The following KIF16B variants were observed in gnomAD, a reference collection of about 807,000 sequenced individuals.
KIF16B encodes kinesin family member 16B.
KIF16B carries 98 observed loss-of-function variants against 156.3 expected under a neutral mutation model. The observed-to-expected ratio is 0.63, with a 90% CI of 0.53 to 0.74. KIF16B has a LOEUF of 0.74. Ranked by LOEUF, KIF16B falls within the 30% of genes least tolerant of loss-of-function variation. The pLI is 0.00. For synonymous variants in KIF16B, 564 were observed against 583.7 expected, an observed-to-expected ratio of 0.97 and a Z score of 0.49; for missense variants, 1,421 against 1,606.5, an observed-to-expected ratio of 0.88 and a Z score of 1.97.
chr20:16,561,328 T>C (rs12481431), intron 1 of KIF16B, among the ~76,000 whole-genome samples: 2 of 152,126 alleles, frequency 1.3e-5, no homozygotes, highest in African/African-American at 2.4e-5. Flanking sequence ...AATATCAGCA[T>C]GCATTGAGCA....
intron 1 of KIF16B, among the ~76,000 whole-genome samples, chr20:16,542,201 T>C (rs938805629): frequency 6.6e-6 from 1 of 152,136 alleles, no homozygotes; most frequent in African/African-American, 2.4e-5. Flanking sequence ...AGTGCCTCAG[T>C]ACAAAATGAG....
Position 16,290,023 on chromosome 20 carries a change from T to C in KIF16B, c.3796-16612A>G, listed in dbSNP as rs570778814. ...GATGCTCTGATTCTCAAAAGTGCCA[T>C]TTGGAAAACAAAAAAGATGTATTAT... On this transcript the variant is annotated intron_variant, in intron 25 of 25. Coordinates refer to ENST00000354981, the MANE Select transcript of KIF16B (RefSeq NM_024704.5). 2.0e-5 allele frequency among the ~76,000 whole-genome samples: 3 copies of C among 152,306 alleles called. No homozygotes were observed. In the South Asian group the frequency reaches 6.2e-4, roughly 32 times the overall value.
intron 24 of KIF16B, 38 bp from the exon 25 acceptor site, chr20:16,312,456 T>C (rs887772411): frequency 9.8e-6 from 13 of 1,331,236 alleles, no homozygotes; most frequent in Non-Finnish European, 1.3e-5. Flanking sequence ...ATTAATAGCA[T>C]ACCTGTTAAT....
At chr20:16,417,115 G>A (rs1444125000) in intron 15 of KIF16B, among the ~76,000 whole-genome samples, 4 of 152,150 alleles carry the variant, frequency 2.6e-5, no homozygotes, top group Non-Finnish European at 5.9e-5. Context: ...TTCCAGGGAA[G>A]GGAAGACCCG....
intron 12 of KIF16B, among the ~76,000 whole-genome samples, chr20:16,489,122 G>A (rs890526950): frequency 6.6e-6 from 1 of 152,206 alleles, no homozygotes; most frequent in Non-Finnish European, 1.5e-5. Context: ...GGCAGGAGGG[G>A]CAAAGGCATG....
intron 25 of KIF16B, among the ~76,000 whole-genome samples, chr20:16,304,178 T>A (rs1229337353): frequency 6.6e-6 from 1 of 152,216 alleles, no homozygotes; most frequent in Non-Finnish European, 1.5e-5. Context: ...TTAGAAGTTG[T>A]TATTATTCTT....
intron 12 of KIF16B, among the ~76,000 whole-genome samples, chr20:16,440,789 C>T (rs781662834): frequency 2.6e-5 from 4 of 152,178 alleles, no homozygotes; most frequent in Non-Finnish European, 4.4e-5. Context: ...ATTTCCACTA[C>T]ACTTCCCATT....
chr20:16,564,268 C>T (rs1424117989), intron 1 of KIF16B, among the ~76,000 whole-genome samples: 4 of 152,204 alleles, frequency 2.6e-5, no homozygotes, highest in Non-Finnish European at 4.4e-5. Context: ...AGGAACTCAA[C>T]CTTTTTTATG....
At chr20:16,310,307 G>C (rs1235213587) in intron 25 of KIF16B, among the ~76,000 whole-genome samples, 2 of 152,204 alleles carry the variant, frequency 1.3e-5, no homozygotes, top group Admixed American at 6.5e-5. Flanking sequence ...GGTTTAGAAG[G>C]GTTCAGTGAT....
At chr20:16,440,974 T>C (rs771000225) in intron 12 of KIF16B, among the ~76,000 whole-genome samples, 4 of 152,182 alleles carry the variant, frequency 2.6e-5, no homozygotes, top group Admixed American at 6.5e-5. Context: ...AGAAATTACG[T>C]GTGAAAATAT....
chr20:16,383,270 G>GA (rs1264974322), intron 17 of KIF16B, among the ~76,000 whole-genome samples: 4 of 152,114 alleles, frequency 2.6e-5, no homozygotes, highest in Non-Finnish European at 4.4e-5. Flanking sequence ...TACACACAAG[G>GA]AATCCAAAAG....
chr20:16,379,700 G>C lies in KIF16B; in HGVS notation c.2302C>G (p.Gln768Glu), dbSNP rs1430541552. Reference sequence around the variant, plus strand: ...ATCATCTCCTGCTTCTCTCGGAGCTGCTCTTCCAGATGGGCCACGAGCATG... The same window carrying C: ...ATCATCTCCTGCTTCTCTCGGAGCTCCTCTTCCAGATGGGCCACGAGCATG... ...QVMLVAHLEE[Q>E]LREKQEMIQL... The change falls in exon 19 of 26, where the codon CAG becomes GAG. Residue 768 changes from glutamine (Q) to glutamate (E), a missense_variant. Transcript: ENST00000354981. The C allele has an allele frequency of 6.2e-7, 1 of 1,614,142 alleles. No homozygotes were observed. Among genetic ancestry groups the C allele is most frequent in the South Asian group, 1.1e-5 (1 of 91,078 alleles).
intron 12 of KIF16B, among the ~76,000 whole-genome samples, chr20:16,437,351 A>T (rs2066668326): frequency 6.6e-6 from 1 of 152,244 alleles, no homozygotes; most frequent in Admixed American, 6.5e-5. Flanking sequence ...TAAACCTGGA[A>T]AAATGGTCTG....
chr20:16,286,998 C>T (rs150171032), intron 25 of KIF16B, among the ~76,000 whole-genome samples: 366 of 152,320 alleles, frequency 2.4e-3, no homozygotes, highest in Non-Finnish European at 2.8e-3. Flanking sequence ...CTTGATACCA[C>T]CTGGAGTATA....
intron 12 of KIF16B, among the ~76,000 whole-genome samples, chr20:16,437,994 A>AT (rs56963132): frequency 2.7e-5 from 4 of 148,354 alleles, no homozygotes; most frequent in Non-Finnish European, 6.0e-5. Flanking sequence ...AATAATAAAA[A>AT]AAAAAAAACA....
At chr20:16,436,786 A>G (rs73898746) in intron 12 of KIF16B, among the ~76,000 whole-genome samples, 19,804 of 152,198 alleles carry the variant, frequency 0.13, 1,403 homozygotes, top group Non-Finnish European at 0.17. Context: ...TGATGGAATC[A>G]CCAACTGGTT....
rs201771391 is a variant in KIF16B, at chr20:16,526,087, T to C, written c.231+5A>G. Reference sequence around the variant, plus strand: ...CAACATAAATATTTTGAAAATATCATATACCATTTCTTGTGAAACGTAATC... The same window carrying C: ...CAACATAAATATTTTGAAAATATCACATACCATTTCTTGTGAAACGTAATC... On this transcript the variant is annotated splice_donor_5th_base_variant and intron_variant, in intron 3 of 25. Transcript: ENST00000354981. The C allele has an allele frequency of 4.2e-5, 61 of 1,467,694 alleles. No individual in the cohort carries two copies. In the African/African-American group the frequency reaches 7.6e-4, roughly 18 times the overall value. The allele number at this position is 1,467,694 out of a possible 1,614,324, so 90.9% of individuals were successfully genotyped here.
intron 22 of KIF16B, among the ~76,000 whole-genome samples, chr20:16,358,239 TCA>T (rs1180027822): frequency 6.6e-6 from 1 of 152,136 alleles, no homozygotes; most frequent in Non-Finnish European, 1.5e-5. Context: ...CACATGGCAG[TCA>T]CACATACACC....
intron 17 of KIF16B, among the ~76,000 whole-genome samples, chr20:16,394,830 C>A (rs1014904955): frequency 2.0e-5 from 3 of 152,144 alleles, no homozygotes; most frequent in African/African-American, 7.2e-5. Flanking sequence ...CCAGGACACG[C>A]AGTGGGGACC....
Sources: gnomAD v4.1 joint callset for allele counts (sites outside exome capture counted in the v4.1 genomes callset) on GRCh38, gnomAD v4.1.1 for gene constraint, MANE v1.5 for transcripts, NCBI Gene and HGNC (gene_info 2026-07-23, HGNC 2026-07-21) for gene names.